Variants in HEATR4 observed in about 807,000 individuals in gnomAD.
HEATR4 encodes HEAT repeat-containing protein 4.
A neutral mutation model predicts 108.8 loss-of-function variants in HEATR4; 95 were observed. The ratio of observed to expected loss-of-function variants is 0.87; its 90% CI spans 0.74 to 1.04. The LOEUF (loss-of-function observed/expected upper bound fraction) is 1.04. Among genes scored for constraint, HEATR4 ranks in the 50% least tolerant of loss-of-function variants. The pLI is 0.00. For missense variants in HEATR4, 1,152 were observed against 1,253.8 expected (o/e 0.92, Z 1.23); for synonymous variants, 443 against 459.4 (o/e 0.96, Z 0.46).
At chr14:73,521,561 A>C (rs916685916) in intron 3 of HEATR4, among the ~76,000 whole-genome samples, 7 of 152,242 alleles carry the variant, frequency 4.6e-5, no homozygotes, top group African/African-American at 1.7e-4. Context: ...TTGTCCAATA[A>C]ATGAATAAAT....
At chr14:73,547,480 G>A (rs1595160325) in intron 1 of HEATR4, among the ~76,000 whole-genome samples, 1 of 115,150 alleles carries the variant, frequency 8.7e-6, no homozygotes. Context: ...CAAAGTGCTG[G>A]GATTACAGGC....
chr14:73,510,230 T>C (rs8018967), intron 7 of HEATR4, among the ~76,000 whole-genome samples: 66,633 of 151,634 alleles, frequency 0.44, 15,480 homozygotes, highest in African/African-American at 0.57. Context: ...TACATTATCT[T>C]GTTATCTTTC....
chr14:73,621,469 G>A, the HEATR4 span, among the ~76,000 whole-genome samples: 12 of 152,132 alleles, frequency 7.9e-5, no homozygotes, highest in Non-Finnish European at 1.3e-4. Context: ...AGAAGGACTG[G>A]GACCTGTCTG....
At chr14:73,590,623 C>T in the HEATR4 span, among the ~76,000 whole-genome samples, 2 of 152,202 alleles carry the variant, frequency 1.3e-5, no homozygotes, top group African/African-American at 4.8e-5. Context: ...AGCCCTGCGC[C>T]GCGGGGAGGC....
the HEATR4 span, chr14:73,595,669 G>T: frequency 7.9e-6 from 12 of 1,510,774 alleles, no homozygotes; most frequent in African/African-American, 2.8e-5. Context: ...TTTGTCTGTT[G>T]TTGACATGAG....
chr14:73,548,041 A>G (rs1204534579), intron 1 of HEATR4, among the ~76,000 whole-genome samples: 1 of 114,334 alleles, frequency 8.7e-6, no homozygotes, highest in Non-Finnish European at 1.9e-5. Flanking sequence ...CCATCCTCCC[A>G]CTTCAGCCTC....
intron 5 of HEATR4, among the ~76,000 whole-genome samples, chr14:73,515,035 T>G (rs948169686): frequency 8.7e-5 from 13 of 149,812 alleles, no homozygotes; most frequent in African/African-American, 3.0e-4. Context: ...ACCACTGCAT[T>G]CCAGCCTGGA....
chr14:73,534,582 G>A lies in HEATR4; in HGVS notation c.-151-4338C>T, dbSNP rs1220049799. Among the ~76,000 whole-genome samples the A allele has an allele frequency of 1.2e-4, 13 of 108,360 alleles. 2 individuals carry two copies. The highest frequency in any genetic ancestry group is 2.4e-4 in the African/African-American group (8 of 33,108). The allele number at this position is 108,360 out of a possible 152,430, so 71.1% of individuals were successfully genotyped here. A position where few individuals can be genotyped will look rare whatever the true frequency, so the allele number is the denominator to read the frequency against. ...TGCATGCCTGTGGTCCCAGGTGCTC[G>A]GGAGGCTGAGGTGGGAGAACTGTCT... On this transcript the variant is annotated intron_variant, in intron 1 of 17. Coordinates refer to ENST00000553558, the MANE Select transcript of HEATR4 (RefSeq NM_001220484.1).
the HEATR4 span, among the ~76,000 whole-genome samples, chr14:73,588,904 C>CTT: frequency 2.7e-5 from 4 of 148,856 alleles, no homozygotes; most frequent in Non-Finnish European, 4.5e-5. Context: ...GGGTTGTTTA[C>CTT]TTTTTTTTTT....
At chr14:73,568,406 A>T in the HEATR4 span, among the ~76,000 whole-genome samples, 1 of 151,898 alleles carries the variant, frequency 6.6e-6, no homozygotes, top group Non-Finnish European at 1.5e-5. Flanking sequence ...AAAAAGTAGA[A>T]AAAAGCGCGA....
At chr14:73,583,009 C>A in the HEATR4 span, 1 of 152,060 alleles carries the variant, frequency 6.6e-6, no homozygotes, top group Non-Finnish European at 1.5e-5. Context: ...ACTGCTGATT[C>A]CAGCTTCTCT....
At chr14:73,633,002 TCTC>T in the HEATR4 span, among the ~76,000 whole-genome samples, 523 of 119,266 alleles carry the variant, frequency 4.4e-3, 6 homozygotes, top group African/African-American at 0.016. Context: ...TCTCTCTCTC[TCTC>T]TCTTTTTTTT....
At chr14:73,489,877 G>A (rs1885606482) in intron 17 of HEATR4, among the ~76,000 whole-genome samples, 1 of 152,238 alleles carries the variant, frequency 6.6e-6, no homozygotes, top group African/African-American at 2.4e-5. Context: ...GAGAAGTTAG[G>A]TGGAGGAACT....
chr14:73,518,402 T>C (rs1435327580), intron 5 of HEATR4, among the ~76,000 whole-genome samples: 1 of 146,950 alleles, frequency 6.8e-6, no homozygotes, highest in Non-Finnish European at 1.5e-5. Flanking sequence ...AGACTCTGTC[T>C]CCAAAAAAAG....
the HEATR4 span, among the ~76,000 whole-genome samples, chr14:73,565,546 C>G: frequency 6.6e-6 from 1 of 151,944 alleles, no homozygotes; most frequent in Non-Finnish European, 1.5e-5. Flanking sequence ...CATTACAGCT[C>G]TTAAAGGTGG....
chr14:73,530,019 G>A (rs1247001206), intron 2 of HEATR4, 147 bp downstream of exon 2: 5 of 139,202 alleles, frequency 3.6e-5, no homozygotes, highest in South Asian at 2.5e-4. Context: ...GCTGGAGTGC[G>A]GTGGCACAGT....
At position 73,523,133 on chromosome 14, in the gene HEATR4, C is replaced by G. The variant is rs537815197; in HGVS notation, c.20G>C (p.Gly7Ala). ...GAAGCAATGGGGGAGAAAGGTCTTT[C>G]CCTTCTGGGTCCTGGTCATACCGCG... is the stretch of plus-strand genomic sequence containing the variant. MTRTQK[G>A]KTFLPHCFYQ... Residue 7 changes from glycine (G) to alanine (A), a missense_variant, in exon 3 of 18, where the codon GGA (glycine) becomes GCA (alanine). Physicochemically the swap from Gly to Ala is moderately conservative, Grantham distance 60. Transcript: ENST00000553558. 6.2e-7 allele frequency: 1 copy of G among 1,600,848 alleles called. No homozygotes were observed. Among genetic ancestry groups the G allele is most frequent in the Non-Finnish European group, 8.5e-7 (1 of 1,178,692 alleles).
chr14:73,597,352 G>A, the HEATR4 span, among the ~76,000 whole-genome samples: 1 of 151,978 alleles, frequency 6.6e-6, no homozygotes. Flanking sequence ...CCAAAGTGCT[G>A]GGATTACAGG....
At chr14:73,574,021 C>T in the HEATR4 span, among the ~76,000 whole-genome samples, 6 of 141,340 alleles carry the variant, frequency 4.2e-5, no homozygotes, top group Non-Finnish European at 6.1e-5. Context: ...CCACTATGCC[C>T]AGCCTAATAT....
Sources: allele counts gnomAD v4.1 joint callset (sites outside exome capture counted in the v4.1 genomes callset), GRCh38; gene constraint gnomAD v4.1.1; transcripts MANE v1.5; gene names NCBI Gene and HGNC (gene_info 2026-07-23, HGNC 2026-07-21).